The following ANO3 variants were observed in gnomAD, a reference collection of about 807,000 sequenced individuals.
ANO3 encodes the protein anoctamin-3.
In ANO3, 99 loss-of-function variants were observed where a neutral mutation model predicts 144.8. The observed-to-expected ratio is 0.68, with a 90% confidence interval of 0.58 to 0.81. The LOEUF (loss-of-function observed/expected upper bound fraction) is 0.81, where lower values mean the gene tolerates loss of function less well. Ranked by LOEUF, ANO3 falls within the 30% of genes least tolerant of loss-of-function variation. ANO3 has a pLI of 0.00. For missense variants in ANO3, 905 were observed against 1,202.2 expected (o/e 0.75, Z 3.66); for synonymous variants, 414 against 392.6 (o/e 1.05, Z -0.64).
chr11:26,273,730 A>G (rs1204467899), intron 1 of ANO3, among the ~76,000 whole-genome samples: 3 of 152,038 alleles, frequency 2.0e-5, no homozygotes, highest in African/African-American at 7.2e-5. Context: ...AGAAATTCAA[A>G]AACAAATAGA....
intron 1 of ANO3, among the ~76,000 whole-genome samples, chr11:26,243,249 T>A (rs1234229540): frequency 6.6e-6 from 1 of 152,288 alleles, no homozygotes; most frequent in South Asian, 2.1e-4. Context: ...ATAATCAATT[T>A]ATTTTCTAAT....
intron 1 of ANO3, among the ~76,000 whole-genome samples, chr11:26,262,684 G>C (rs1005449215): frequency 6.6e-6 from 1 of 151,316 alleles, no homozygotes; most frequent in Non-Finnish European, 1.5e-5. Flanking sequence ...CGGAAAGGTA[G>C]AGCCCTCATT....
chr11:26,276,159 C>A (rs968207048), intron 1 of ANO3, among the ~76,000 whole-genome samples: 6 of 152,150 alleles, frequency 3.9e-5, no homozygotes, highest in African/African-American at 9.7e-5. Flanking sequence ...AGTTTCATGT[C>A]CATTCCTGAC....
At chr11:26,375,727 A>G (rs1326835014) in intron 1 of ANO3, among the ~76,000 whole-genome samples, 2 of 152,190 alleles carry the variant, frequency 1.3e-5, no homozygotes, top group Non-Finnish European at 2.9e-5. Context: ...GCATGAGGCA[A>G]TAAGAGAAAA....
intron 8 of ANO3, 136 bp downstream of exon 8, chr11:26,531,472 T>A: frequency 1.9e-6 from 2 of 1,029,244 alleles, no homozygotes; most frequent in Non-Finnish European, 2.8e-6. Flanking sequence ...AAATACACAC[T>A]TAACTTATAA....
intron 1 of ANO3, among the ~76,000 whole-genome samples, chr11:26,284,888 G>C (rs1366335511): frequency 6.6e-6 from 1 of 152,224 alleles, no homozygotes; most frequent in African/African-American, 2.4e-5. Context: ...CTGGGCGACA[G>C]AGCGAGACTC....
chr11:26,362,346 G>A (rs911096756), intron 1 of ANO3, among the ~76,000 whole-genome samples: 2 of 152,232 alleles, frequency 1.3e-5, no homozygotes, highest in African/African-American at 2.4e-5. Flanking sequence ...GGAAACTGAA[G>A]CTCTAGAATT....
At position 26,451,382 on chromosome 11, in the gene ANO3, G is replaced by C. The variant is rs57819686; in HGVS notation, c.313+7546G>C. On this transcript the variant is annotated intron_variant, in intron 3 of 26. Coordinates refer to ENST00000256737, the MANE Select transcript of ANO3 (RefSeq NM_031418.4). ...CTGGAAAATCGGGTCACTCCCACCC[G>C]AATACTGCGCTTTTCCGACGGGCTT... Among the ~76,000 whole-genome samples, 17 of 152,314 alleles carry C rather than the reference G, an allele frequency of 1.1e-4. No homozygotes were observed. The East Asian group carries it at 1.9e-3, about 17-fold the overall frequency.
intron 4 of ANO3, among the ~76,000 whole-genome samples, chr11:26,498,400 CTTG>C (rs1861052613): frequency 6.6e-6 from 1 of 151,598 alleles, no homozygotes; most frequent in Admixed American, 6.6e-5. Context: ...AGAAAACAGA[CTTG>C]TTATAAGTAA....
rs1378664101 is a variant in ANO3 at position 26,460,263 on chromosome 11, TTTTC to T, written c.314-2763_314-2760del. The stretch of plus-strand genomic sequence containing the variant: ...CTGTTAATAAGCATTTATTGAAAAA[TTTTC>T]TTTGCTTTCCAACTTTTAGGTTCAA... On this transcript the variant is annotated intron_variant, in intron 3 of 26. Coordinates refer to ENST00000256737, the MANE Select transcript of ANO3 (RefSeq NM_031418.4). 12 of 294,876 alleles carry T rather than the reference TTTTC, an allele frequency of 4.1e-5. No individual in the cohort carries two copies. The East Asian group carries it at 8.1e-4, about 20-fold the overall frequency. 18.3% of individuals were successfully genotyped at this position (294,876 alleles called of 1,614,324 possible). A position where few individuals can be genotyped will look rare whatever the true frequency, so the allele number is the denominator to read the frequency against.
chr11:26,457,546 T>C (rs1859215571), intron 3 of ANO3, among the ~76,000 whole-genome samples: 2 of 152,148 alleles, frequency 1.3e-5, no homozygotes, highest in Non-Finnish European at 2.9e-5. Context: ...ATTTATGTGT[T>C]TGAGTAACTG....
intron 1 of ANO3, among the ~76,000 whole-genome samples, chr11:26,419,403 G>A (rs1857688078): frequency 6.6e-6 from 1 of 152,088 alleles, no homozygotes; most frequent in Non-Finnish European, 1.5e-5. Flanking sequence ...TATTGGGTCA[G>A]AGTTTTATCT....
At chr11:26,224,233 A>C (rs1352857059) in intron 1 of ANO3, among the ~76,000 whole-genome samples, 1 of 152,164 alleles carries the variant, frequency 6.6e-6, no homozygotes, top group Non-Finnish European at 1.5e-5. Context: ...ACAGCTTGTC[A>C]GTTCAGTGAC....
Position 26,660,473 on chromosome 11 carries a change from A to C in ANO3, c.*29A>C, listed in dbSNP as rs754556050. ...ACACCTGTTACCCATTAGGGGTGAT[A>C]ACATTAATGGGAAGAAATGATGGCA... On this transcript the variant is annotated 3_prime_UTR_variant, in exon 27 of 27. Transcript: ENST00000256737. 6.4e-7 allele frequency: 1 copy of C among 1,566,410 alleles called. No individual in the cohort carries two copies. Among genetic ancestry groups the C allele is most frequent in the Non-Finnish European group, 8.6e-7 (1 of 1,159,590 alleles).
intron 6 of ANO3, among the ~76,000 whole-genome samples, chr11:26,517,955 T>C (rs1259081502): frequency 6.6e-6 from 1 of 152,038 alleles, no homozygotes; most frequent in African/African-American, 2.4e-5. Context: ...CTTGACAATA[T>C]TAGAATTAAA....
chr11:26,469,703 G>T (rs567877441), intron 4 of ANO3, among the ~76,000 whole-genome samples: 1 of 152,004 alleles, frequency 6.6e-6, no homozygotes, highest in African/African-American at 2.4e-5. Context: ...ATCAAAAAGA[G>T]ACAAGCTTAA....
chr11:26,356,436 G>A (rs1039238787), intron 1 of ANO3, among the ~76,000 whole-genome samples: 1 of 152,064 alleles, frequency 6.6e-6, no homozygotes, highest in African/African-American at 2.4e-5. Flanking sequence ...GTGTCCACTA[G>A]TATGCTTCTG....
intron 1 of ANO3, among the ~76,000 whole-genome samples, chr11:26,250,846 C>A (rs1191530226): frequency 6.6e-6 from 1 of 152,074 alleles, no homozygotes; most frequent in Non-Finnish European, 1.5e-5. Flanking sequence ...TAGCATAAGT[C>A]AAAAATGCAT....
At chr11:26,565,754 A>G (rs1305269841) in intron 14 of ANO3, 1 of 1,606,220 alleles carries the variant, frequency 6.2e-7, no homozygotes, top group Non-Finnish European at 8.5e-7. Context: ...AAACTTCTGC[A>G]ATGTTCTGTG....
Sources: allele counts gnomAD v4.1 joint callset (sites outside exome capture counted in the v4.1 genomes callset), GRCh38; gene constraint gnomAD v4.1.1; transcripts MANE v1.5; gene names NCBI Gene and HGNC (gene_info 2026-07-23, HGNC 2026-07-21).